The following FGGY variants were observed in gnomAD, a reference collection of about 807,000 sequenced individuals.
The protein encoded by FGGY is FGGY carbohydrate kinase domain-containing protein.
Under a neutral mutation model 71.3 loss-of-function variants are expected in FGGY, and 72 were observed. The observed-to-expected ratio is 1.01, with a 90% CI of 0.84 to 1.23. FGGY has a LOEUF of 1.23. Ranked by LOEUF, FGGY falls within the 50% of genes most tolerant of loss-of-function variation. The pLI, the probability that FGGY is intolerant of heterozygous loss-of-function variation, is 0.00. For missense variants in FGGY, 668 were observed against 682.3 expected (o/e 0.98, Z 0.23); for synonymous variants, 251 against 250.3 (o/e 1.00, Z -0.02).
chr1:59,399,341 C>T (rs753900154), intron 5 of FGGY, among the ~76,000 whole-genome samples: 4 of 152,124 alleles, frequency 2.6e-5, no homozygotes, highest in Non-Finnish European at 5.9e-5. Context: ...ACTTATATGT[C>T]AGGCATTATA....
intron 6 of FGGY, among the ~76,000 whole-genome samples, chr1:59,492,816 A>G (rs2093909827): frequency 6.6e-6 from 1 of 151,772 alleles, no homozygotes. Context: ...GTCCCTCTTT[A>G]CTCTCACTTC....
chr1:59,573,475 C>T (rs562211362), intron 8 of FGGY, among the ~76,000 whole-genome samples: 1 of 151,824 alleles, frequency 6.6e-6, no homozygotes, highest in African/African-American at 2.4e-5. Context: ...CATATATATA[C>T]ACACATGTAT....
intron 7 of FGGY, among the ~76,000 whole-genome samples, chr1:59,528,742 T>C (rs886654399): frequency 2.0e-5 from 3 of 152,162 alleles, no homozygotes; most frequent in African/African-American, 7.2e-5. Flanking sequence ...ATGAAAACTT[T>C]ATATGCCTTC....
At chr1:59,743,785 T>A (rs2098170269) in intron 14 of FGGY, among the ~76,000 whole-genome samples, 2 of 152,170 alleles carry the variant, frequency 1.3e-5, no homozygotes, top group South Asian at 2.1e-4. Flanking sequence ...AAAAATAAAC[T>A]TTGTGTTTCC....
intron 5 of FGGY, among the ~76,000 whole-genome samples, chr1:59,397,439 G>A (rs759558611): frequency 1.3e-4 from 20 of 152,210 alleles, no homozygotes; most frequent in Non-Finnish European, 2.5e-4. Flanking sequence ...CATGTATTTG[G>A]TGGTATCACA....
chr1:59,304,834 G>A (rs1020203895), intron 1 of FGGY, among the ~76,000 whole-genome samples: 1 of 151,962 alleles, frequency 6.6e-6, no homozygotes, highest in South Asian at 2.1e-4. Flanking sequence ...GCCCTTCTAA[G>A]TGAGATTGTT....
At chr1:59,495,721 T>C (rs943935446) in intron 6 of FGGY, among the ~76,000 whole-genome samples, 1 of 152,090 alleles carries the variant, frequency 6.6e-6, no homozygotes, top group African/African-American at 2.4e-5. Context: ...CCAGCACCAT[T>C]TATTGAATTG....
At chr1:59,516,013 G>C (rs1397476172) in intron 7 of FGGY, among the ~76,000 whole-genome samples, 1 of 152,200 alleles carries the variant, frequency 6.6e-6, no homozygotes, top group Non-Finnish European at 1.5e-5. Context: ...AAGGGCACAG[G>C]AAGGTGATAG....
chr1:59,445,962 C>G (rs952474840), intron 5 of FGGY, among the ~76,000 whole-genome samples: 1 of 152,214 alleles, frequency 6.6e-6, no homozygotes, highest in African/African-American at 2.4e-5. Context: ...AATGACTTAA[C>G]TTCTGAGCCT....
chr1:59,653,528 G>A (rs565826270), intron 11 of FGGY, among the ~76,000 whole-genome samples: 9 of 152,078 alleles, frequency 5.9e-5, no homozygotes, highest in East Asian at 3.9e-4. Context: ...AGGTGCGTCC[G>A]TCACCCCTTT....
intron 5 of FGGY, among the ~76,000 whole-genome samples, chr1:59,394,513 G>A (rs1173352360): frequency 6.6e-6 from 1 of 152,036 alleles, no homozygotes; most frequent in Non-Finnish European, 1.5e-5. Flanking sequence ...ATATTTCATG[G>A]GCTTGTTGCG....
intron 5 of FGGY, among the ~76,000 whole-genome samples, chr1:59,399,919 A>G (rs74671052): frequency 0.021 from 3,176 of 152,314 alleles, 112 homozygotes; most frequent in African/African-American, 0.072. Flanking sequence ...AACATCACAA[A>G]TGTTCAAAAT....
intron 8 of FGGY, among the ~76,000 whole-genome samples, chr1:59,575,029 A>T (rs1270302091): frequency 6.6e-6 from 1 of 152,178 alleles, no homozygotes; most frequent in African/African-American, 2.4e-5. Context: ...ATGGGGTTCA[A>T]TGTGAATTTT....
chr1:59,458,517 A>AT, intron 6 of FGGY, among the ~76,000 whole-genome samples: 1 of 152,184 alleles, frequency 6.6e-6, no homozygotes, highest in Middle Eastern at 3.4e-3. Flanking sequence ...TTATTTTTAT[A>AT]TTTTTCTGCT....
intron 14 of FGGY, among the ~76,000 whole-genome samples, chr1:59,733,536 T>G (rs1267350835): frequency 6.6e-6 from 1 of 152,130 alleles, no homozygotes; most frequent in Non-Finnish European, 1.5e-5. Flanking sequence ...TTCTAACACT[T>G]ACAAGGACAA....
At chr1:59,446,930 T>C (rs2071411951) in intron 5 of FGGY, among the ~76,000 whole-genome samples, 2 of 152,188 alleles carry the variant, frequency 1.3e-5, no homozygotes, top group South Asian at 4.1e-4. Flanking sequence ...TGCATGAGAA[T>C]GATCAGGCCC....
intron 8 of FGGY, among the ~76,000 whole-genome samples, chr1:59,606,030 A>G (rs12723734): frequency 0.18 from 26,944 of 152,080 alleles, 3,169 homozygotes; most frequent in African/African-American, 0.32. Flanking sequence ...TAGATGAGAA[A>G]CATGTACCAC....
At chr1:59,568,990 CAG>C (rs2095931003) in intron 8 of FGGY, among the ~76,000 whole-genome samples, 1 of 151,502 alleles carries the variant, frequency 6.6e-6, no homozygotes, top group African/African-American at 2.4e-5. Context: ...AAAAAATACT[CAG>C]AAAAAAAAAG....
intron 5 of FGGY, among the ~76,000 whole-genome samples, chr1:59,453,900 C>T (rs559252472): frequency 6.6e-6 from 1 of 152,228 alleles, no homozygotes; most frequent in South Asian, 2.1e-4. Flanking sequence ...TGCAGTACTA[C>T]AAAGTTACAT....
Sources: gnomAD v4.1 joint callset for allele counts (sites outside exome capture counted in the v4.1 genomes callset) on GRCh38, gnomAD v4.1.1 for gene constraint, MANE v1.5 for transcripts, NCBI Gene and HGNC (gene_info 2026-07-23, HGNC 2026-07-21) for gene names.